Variants in MAP3K8 observed in about 807,000 individuals in gnomAD.
MAP3K8 encodes the protein Ewing sarcoma transformant.
MAP3K8 carries 22 observed loss-of-function variants against 45.8 expected under a neutral mutation model. The observed-to-expected ratio is 0.48, with a 90% CI of 0.34 to 0.69. MAP3K8 has a LOEUF of 0.69. Among genes scored for constraint, MAP3K8 ranks in the 30% least tolerant of loss-of-function variants. The pLI is 0.01. For missense variants in MAP3K8, 419 were observed against 585.0 expected (o/e 0.72, Z 2.93); for synonymous variants, 223 against 214.3 (o/e 1.04, Z -0.36).
chr10:30,451,426 C>A (rs1588784091), intron 5 of MAP3K8, among the ~76,000 whole-genome samples: 1 of 152,172 alleles, frequency 6.6e-6, no homozygotes, highest in East Asian at 1.9e-4. Context: ...ATCATTCATA[C>A]CCACATTGGC....
At chr10:30,434,887 C>G (rs1303507470) in intron 1 of MAP3K8, 6 of 608,480 alleles carry the variant, frequency 9.9e-6, no homozygotes, top group Non-Finnish European at 1.0e-5. Flanking sequence ...AGCCCAGAGA[C>G]TTGTGAATGG....
chr10:30,458,207 C>T lies in MAP3K8; in HGVS notation c.997C>T (p.Arg333Cys), dbSNP rs1327705787. 2.5e-6 allele frequency: 4 copies of T among 1,585,270 alleles called. No individual in the cohort carries two copies. The highest frequency in any genetic ancestry group is 3.4e-6 in the Non-Finnish European group (4 of 1,164,794). ...CCCACCCTGGGTGAAGCGCTACCCT[C>T]GCTCAGCCTATCCCTCCTACCTGTA... ...GTPPWVKRYPRSAYPSYLYII... is the reference protein window; with the variant it reads ...GTPPWVKRYPCSAYPSYLYII... The change falls in exon 7 of 9, where the codon CGC becomes TGC. Residue 333 changes from arginine to cysteine, a missense_variant. This residue lies in a region of MAP3K8 where 209 missense variants were observed against 367.3 expected (regional missense o/e 0.57). Coordinates refer to ENST00000263056, the MANE Select transcript of MAP3K8 (RefSeq NM_005204.4).
chr10:30,455,364 T>C (rs1026184452), intron 6 of MAP3K8, among the ~76,000 whole-genome samples: 5 of 152,236 alleles, frequency 3.3e-5, no homozygotes, highest in Admixed American at 3.3e-4. Flanking sequence ...TTTGATCATG[T>C]GGCTACTGCA....
At chr10:30,458,785 T>A (rs1304503704) in intron 7 of MAP3K8, among the ~76,000 whole-genome samples, 2 of 152,144 alleles carry the variant, frequency 1.3e-5, no homozygotes, top group Non-Finnish European at 2.9e-5. Context: ...CCTTTAGAAA[T>A]TAAAGTGGGC....
intron 1 of MAP3K8, chr10:30,434,730 T>C: frequency 1.0e-6 from 1 of 985,540 alleles, no homozygotes; most frequent in Non-Finnish European, 1.2e-6. Context: ...ACGGCCGCAC[T>C]CTCCCTGCCC....
chr10:30,453,428 C>T (rs1588787864), intron 6 of MAP3K8, among the ~76,000 whole-genome samples: 1 of 152,118 alleles, frequency 6.6e-6, no homozygotes, highest in East Asian at 1.9e-4. Context: ...TAAAACAGCA[C>T]TCATGTTTAA....
In MAP3K8 at chr10:30,453,877, A is replaced by G. The variant is rs554493553; in HGVS notation, c.873+2133A>G. On this transcript the variant is annotated intron_variant, in intron 6 of 8. Transcript: ENST00000263056. ...GTCAGACCTCATCTCTTTTGAAAAA[A>G]AAAAAGAAAAAAAGAAGGAAGGGAG... Among the ~76,000 whole-genome samples, 211 of 148,334 alleles carry G rather than the reference A, an allele frequency of 1.4e-3. 1 individual carries two copies. Among genetic ancestry groups the G allele is most frequent in the Non-Finnish European group, 2.6e-3 (177 of 67,164 alleles).
Position 30,451,610 on chromosome 10 carries a change from A to T in MAP3K8, c.767-28A>T, listed in dbSNP as rs533325307. 5.0e-5 allele frequency: 68 copies of T among 1,364,436 alleles called. No individual in the cohort carries two copies. The South Asian group carries it at 5.4e-4, about 11-fold the overall frequency. The allele number at this position is 1,364,436 out of a possible 1,614,324, so 84.5% of individuals were successfully genotyped here. ...GACTTATGGGTATATAAAAAATTTT[A>T]TCTTAAAAATATTTCCTCTCATTTT... On this transcript the variant is annotated intron_variant, in intron 5 of 8. Transcript: ENST00000263056.
At chr10:30,445,252 C>G (rs1363764849) in intron 3 of MAP3K8, among the ~76,000 whole-genome samples, 1 of 152,040 alleles carries the variant, frequency 6.6e-6, no homozygotes, top group African/African-American at 2.4e-5. Context: ...CAAAAATTAG[C>G]TGGGTGTGGT....
chr10:30,460,896 G>T lies in MAP3K8; in HGVS notation c.*60G>T. 1.3e-6 allele frequency: 2 copies of T among 1,599,678 alleles called. 1 individual carries two copies. Among genetic ancestry groups the T allele is most frequent in the South Asian group, 2.2e-5 (2 of 89,988 alleles). ...TGATCTCCTGGAGGCTGGTTCTGCT[G>T]CCTCTACACAGGGGCCCTGTACAGT... On this transcript the variant is annotated 3_prime_UTR_variant, in exon 9 of 9. Coordinates refer to ENST00000263056, the MANE Select transcript of MAP3K8 (RefSeq NM_005204.4).
intron 3 of MAP3K8, among the ~76,000 whole-genome samples, chr10:30,443,509 C>T (rs893508524): frequency 1.3e-5 from 2 of 152,206 alleles, no homozygotes; most frequent in Non-Finnish European, 1.5e-5. Context: ...TTAACTCTCT[C>T]ATCATCTGGG....
Position 30,461,821 on chromosome 10 carries a change from G to C in MAP3K8, c.*985G>C, listed in dbSNP as rs1836949581. 1.1e-5 allele frequency: 2 copies of C among 180,048 alleles called. No homozygotes were observed. Among genetic ancestry groups the C allele is most frequent in the Admixed American group, 6.3e-5 (1 of 15,896 alleles). The allele number at this position is 180,048 out of a possible 1,614,324, so 11.2% of individuals were successfully genotyped here. A position where few individuals can be genotyped will look rare whatever the true frequency, so the allele number is the denominator to read the frequency against. On this transcript the variant is annotated 3_prime_UTR_variant, in exon 9 of 9. Coordinates refer to ENST00000263056, the MANE Select transcript of MAP3K8 (RefSeq NM_005204.4). The stretch of plus-strand genomic sequence containing the variant: ...TGGTCAAATCAACTGAATAAATTCA[G>C]TATTTTGCCTTAGTTGTTGTGAAGC...
At chr10:30,455,102 G>T (rs1303800893) in intron 6 of MAP3K8, among the ~76,000 whole-genome samples, 2 of 152,140 alleles carry the variant, frequency 1.3e-5, no homozygotes, top group Admixed American at 1.3e-4. Flanking sequence ...GTAGTATTTG[G>T]ATCAGGTTTT....
chr10:30,440,810 T>A (rs889572756), intron 3 of MAP3K8, among the ~76,000 whole-genome samples: 8 of 152,314 alleles, frequency 5.3e-5, no homozygotes, highest in East Asian at 1.9e-4. Flanking sequence ...AAATTTTTTT[T>A]AAAATCCTGC....
chr10:30,450,483 C>T lies in MAP3K8; in HGVS notation c.730C>T (p.Leu244=). Residue 244 remains leucine (L), a synonymous_variant, in exon 5 of 9, where the codon CTA becomes TTA. Coordinates refer to ENST00000263056, the MANE Select transcript of MAP3K8 (RefSeq NM_005204.4). The stretch of plus-strand genomic sequence containing the variant: ...GCATGTTCTCAAGGGACTTGATTTT[C>T]TACACTCAAAGAAAGTGATCCATCA... The part of the protein sequence containing the change: ...TKHVLKGLDF[L]HSKKVIHHDI... 1 of 1,614,062 alleles carries T rather than the reference C, an allele frequency of 6.2e-7. No homozygotes were observed. Among genetic ancestry groups the T allele is most frequent in the Non-Finnish European group, 8.5e-7 (1 of 1,179,950 alleles).
At chr10:30,451,135 C>T (rs886371917) in intron 5 of MAP3K8, among the ~76,000 whole-genome samples, 2 of 147,522 alleles carry the variant, frequency 1.4e-5, no homozygotes, top group African/African-American at 5.0e-5. Context: ...AACATACAAA[C>T]ACAGAGACAA....
intron 3 of MAP3K8, among the ~76,000 whole-genome samples, chr10:30,442,060 T>TTTACCTATTCA (rs1383253923): frequency 6.6e-6 from 1 of 152,232 alleles, no homozygotes; most frequent in African/African-American, 2.4e-5. Context: ...CATTCAAGTA[T>TTTACCTATTCA]TTACCTATTC....
intron 4 of MAP3K8, among the ~76,000 whole-genome samples, chr10:30,448,418 TTATTATTATTA>T (rs1564369200): frequency 4.1e-5 from 6 of 148,082 alleles, no homozygotes; most frequent in East Asian, 2.0e-4. Context: ...CCCAAATTTA[TTATTATTATTA>T]TTATTATTAT....
intron 5 of MAP3K8, 46 bp from the exon 6 acceptor site, chr10:30,451,592 G>A: frequency 9.9e-7 from 1 of 1,005,370 alleles, no homozygotes; most frequent in Non-Finnish European, 1.5e-6. Flanking sequence ...TTTGACTTAT[G>A]GGTATATAAA....
Sources: gnomAD v4.1 joint callset for allele counts (sites outside exome capture counted in the v4.1 genomes callset) on GRCh38, gnomAD v4.1.1 for gene constraint, gnomAD v4.1.1 regional missense constraint, MANE v1.5 for transcripts, NCBI Gene and HGNC (gene_info 2026-07-23, HGNC 2026-07-21) for gene names.